SAMTOR: variants seen among roughly 807,000 people sequenced by gnomAD.
The protein encoded by SAMTOR is S-adenosylmethionine sensor upstream of mTORC1, also known as UPF0532 protein C7orf60.
chr7:112,921,141 C>T, the SAMTOR span, among the ~76,000 whole-genome samples: 3 of 152,182 alleles, frequency 2.0e-5, no homozygotes, highest in Admixed American at 2.0e-4. Context: ...ATCACCAAGT[C>T]AACCCTAAGC....
chr7:112,840,490 C>G, the SAMTOR span, among the ~76,000 whole-genome samples: 1 of 151,814 alleles, frequency 6.6e-6, no homozygotes, highest in Non-Finnish European at 1.5e-5. Context: ...GCCTCTCCTT[C>G]TGCAACTCCA....
the SAMTOR span, among the ~76,000 whole-genome samples, chr7:112,888,918 C>T: frequency 6.6e-6 from 1 of 152,062 alleles, no homozygotes. Flanking sequence ...CTTTGGGAAA[C>T]TGGAGTATTA....
the SAMTOR span, among the ~76,000 whole-genome samples, chr7:112,896,685 G>A: frequency 0.59 from 90,091 of 152,016 alleles, 29,804 homozygotes; most frequent in East Asian, 0.9. Flanking sequence ...TTACCCTCAA[G>A]AAGCTACTGT....
chr7:112,853,381 T>C, the SAMTOR span, among the ~76,000 whole-genome samples: 2 of 152,166 alleles, frequency 1.3e-5, no homozygotes, highest in African/African-American at 4.8e-5. Flanking sequence ...TTGTCTTTTC[T>C]TTTCCAAAAC....
the SAMTOR span, among the ~76,000 whole-genome samples, chr7:112,879,513 GTTGA>G: frequency 6.6e-6 from 1 of 152,148 alleles, no homozygotes. Flanking sequence ...GAATACAGAA[GTTGA>G]TTGTCATTAA....
chr7:112,866,573 C>A, the SAMTOR span, among the ~76,000 whole-genome samples: 1 of 152,264 alleles, frequency 6.6e-6, no homozygotes, highest in African/African-American at 2.4e-5. Flanking sequence ...CACCTGCCTG[C>A]GGCTACACAG....
chr7:112,937,050 C>T, the SAMTOR span, among the ~76,000 whole-genome samples: 7,577 of 152,212 alleles, frequency 0.05, 623 homozygotes, highest in African/African-American at 0.17. Flanking sequence ...ACTCCGCTCA[C>T]TTATCTGTAA....
chr7:112,907,023 A>G, the SAMTOR span, among the ~76,000 whole-genome samples: 1 of 152,212 alleles, frequency 6.6e-6, no homozygotes, highest in South Asian at 2.1e-4. Context: ...AGCAAAAGCA[A>G]GAAAAACCAA....
At chr7:112,904,148 C>G in the SAMTOR span, among the ~76,000 whole-genome samples, 1 of 152,126 alleles carries the variant, frequency 6.6e-6, no homozygotes, top group East Asian at 1.9e-4. Context: ...CACTTTCAAT[C>G]AAGAGAATGA....
chr7:112,910,241 A>C, the SAMTOR span, among the ~76,000 whole-genome samples: 1 of 152,104 alleles, frequency 6.6e-6, no homozygotes, highest in East Asian at 1.9e-4. Flanking sequence ...TAAACCCCAC[A>C]ACCCCGTTGT....
At chr7:112,885,159 C>T in the SAMTOR span, among the ~76,000 whole-genome samples, 1 of 65,076 alleles carries the variant, frequency 1.5e-5, no homozygotes, top group African/African-American at 1.3e-4. Flanking sequence ...CTCAAGGCTG[C>T]ACAGGGCAGG....
At chr7:112,844,983 C>A in the SAMTOR span, among the ~76,000 whole-genome samples, 1 of 152,082 alleles carries the variant, frequency 6.6e-6, no homozygotes, top group East Asian at 1.9e-4. Context: ...CTGACAAAAA[C>A]AAGCAATGGG....
At chr7:112,895,805 T>A in the SAMTOR span, 5 of 1,142,032 alleles carry the variant, frequency 4.4e-6, no homozygotes, top group South Asian at 8.6e-5. Flanking sequence ...ACGGAAAAAA[T>A]TGGCTTTTAT....
chr7:112,872,992 A>C, the SAMTOR span, among the ~76,000 whole-genome samples: 2 of 151,466 alleles, frequency 1.3e-5, no homozygotes, highest in Non-Finnish European at 1.5e-5. Flanking sequence ...AATACCTAGG[A>C]ATATATCCAA....
chr7:112,869,663 A>G, the SAMTOR span, among the ~76,000 whole-genome samples: 1 of 152,180 alleles, frequency 6.6e-6, no homozygotes, highest in African/African-American at 2.4e-5. Context: ...GCAATTATAG[A>G]AATCCAGTGT....
At chr7:112,886,282 T>C in the SAMTOR span, among the ~76,000 whole-genome samples, 1 of 152,110 alleles carries the variant, frequency 6.6e-6, no homozygotes, top group Non-Finnish European at 1.5e-5. Context: ...ATCATGTTAA[T>C]AAAGAGTGAA....
At chr7:112,831,414 T>C in the SAMTOR span, among the ~76,000 whole-genome samples, 31 of 152,300 alleles carry the variant, frequency 2.0e-4, no homozygotes, top group Middle Eastern at 3.4e-3. Context: ...CCCAGCACTT[T>C]GGGAGGTTGA....
the SAMTOR span, among the ~76,000 whole-genome samples, chr7:112,845,934 G>C: frequency 6.6e-6 from 1 of 152,142 alleles, no homozygotes; most frequent in Non-Finnish European, 1.5e-5. Context: ...GATGGAGCTG[G>C]AGGCCATCAT....
chr7:112,881,875 G>C, the SAMTOR span, among the ~76,000 whole-genome samples: 2 of 152,212 alleles, frequency 1.3e-5, no homozygotes, highest in Admixed American at 1.3e-4. Flanking sequence ...TGAAAGAGCT[G>C]AACAAAACAG....
Sources: gnomAD v4.1 joint callset for allele counts (sites outside exome capture counted in the v4.1 genomes callset) on GRCh38, gnomAD v4.1.1 for gene constraint, MANE v1.5 for transcripts, NCBI Gene and HGNC (gene_info 2026-07-23, HGNC 2026-07-21) for gene names.